Variants in FUT8 observed in about 807,000 individuals in gnomAD.
FUT8 encodes the protein alpha-(1,6)-fucosyltransferase.
Under a neutral mutation model 71.3 loss-of-function variants are expected in FUT8, and 29 were observed. The ratio of observed to expected loss-of-function variants is 0.41; its 90% CI spans 0.30 to 0.55. The LOEUF (loss-of-function observed/expected upper bound fraction) is 0.55. Ranked by LOEUF, FUT8 falls within the 20% of genes least tolerant of loss-of-function variation. FUT8 has a pLI of 0.34. For synonymous variants in FUT8, 254 were observed against 239.3 expected (o/e 1.06, Z -0.57); for missense variants, 544 against 702.1 (o/e 0.77, Z 2.55).
chr14:65,670,577 C>T (rs1302061152), intron 7 of FUT8, among the ~76,000 whole-genome samples: 2 of 152,034 alleles, frequency 1.3e-5, no homozygotes, highest in Non-Finnish European at 2.9e-5. Flanking sequence ...GGAAGTCCAA[C>T]ATTTTTCAAA....
chr14:65,411,357 TTAAAGAGC>T (rs1191135381), upstream of FUT8: 2 of 152,360 alleles, frequency 1.3e-5, no homozygotes, highest in Non-Finnish European at 2.9e-5. Context: ...TGCTTTTTGT[TTAAAGAGC>T]TGACAATAAA....
At chr14:65,585,833 C>G (rs1335048943) in intron 3 of FUT8, among the ~76,000 whole-genome samples, 1 of 152,178 alleles carries the variant, frequency 6.6e-6, no homozygotes, top group Non-Finnish European at 1.5e-5. Context: ...CAGAAGGAAA[C>G]TTGCTGCATG....
intron 3 of FUT8, among the ~76,000 whole-genome samples, chr14:65,602,332 C>T (rs1467300378): frequency 9.4e-6 from 1 of 106,176 alleles, no homozygotes; most frequent in Non-Finnish European, 1.8e-5. Context: ...GGCCGAGTAG[C>T]GTTCCATCTC....
chr14:65,601,006 G>T (rs1888263041), intron 3 of FUT8, among the ~76,000 whole-genome samples: 1 of 152,106 alleles, frequency 6.6e-6, no homozygotes, highest in African/African-American at 2.4e-5. Context: ...GGAGAATTGA[G>T]CCAGAAACCT....
At chr14:65,701,042 A>G (rs1330127782) in intron 7 of FUT8, among the ~76,000 whole-genome samples, 1 of 152,196 alleles carries the variant, frequency 6.6e-6, no homozygotes, top group Admixed American at 6.5e-5. Context: ...TAATCTTTTT[A>G]ATCTTTTATA....
At chr14:65,647,402 G>A (rs779949609) in intron 6 of FUT8, among the ~76,000 whole-genome samples, 1 of 152,156 alleles carries the variant, frequency 6.6e-6, no homozygotes, top group African/African-American at 2.4e-5. Flanking sequence ...TCAATATGCA[G>A]GAGAGTAAAT....
At position 65,561,751 on chromosome 14, in the gene FUT8, T is replaced by C. The variant is rs1885924989; in HGVS notation, c.188T>C (p.Met63Thr). ...CAACAGAATGAAGACTTGAGGCGAA[T>C]GGCCGAATCTCTCCGGTAGGTCCTA... ...LKQQNEDLRR[M>T]AESLRIPEGP... The change falls in exon 3 of 11, where the codon ATG (methionine) becomes ACG (threonine). Residue 63 changes from methionine (M) to threonine (T), a missense_variant. By Grantham distance (81) the Met-to-Thr change is moderately conservative. Transcript: ENST00000673929. 2 of 1,612,810 alleles carry C rather than the reference T, an allele frequency of 1.2e-6. No individual in the cohort carries two copies. The highest frequency in any genetic ancestry group is 8.5e-7 in the Non-Finnish European group (1 of 1,179,172).
rs1435259701 is a variant in FUT8, at chr14:65,642,938, T to C, written c.597+13332T>C. Among the ~76,000 whole-genome samples, 7 of 152,318 alleles carry C rather than the reference T, an allele frequency of 4.6e-5. No homozygotes were observed. In the East Asian group the frequency reaches 1.2e-3, roughly 25 times the overall value. On this transcript the variant is annotated intron_variant, in intron 6 of 10. Coordinates refer to ENST00000673929, the MANE Select transcript of FUT8 (RefSeq NM_001371533.1). ...TACATAAAGTATCATGTCATCTACA[T>C]ATAGATACACTTACTTCTTCATTTC...
chr14:65,505,757 T>G (rs1006480477), intron 2 of FUT8, among the ~76,000 whole-genome samples: 2 of 150,466 alleles, frequency 1.3e-5, no homozygotes, highest in Admixed American at 6.6e-5. Context: ...TCATTTGACT[T>G]TTTTTTGCTA....
At chr14:65,616,120 T>G in intron 4 of FUT8, 27 bp downstream of exon 4, 1 of 1,604,824 alleles carries the variant, frequency 6.2e-7, no homozygotes, top group Non-Finnish European at 8.5e-7. Context: ...TGTTTTCCCC[T>G]CCTCAGTATA....
At position 65,733,393 on chromosome 14, in the gene FUT8, T is replaced by C; in HGVS notation, c.1410+12T>C. ...CTTTTTCATCCCAGGTAAGTGTCAG[T>C]AGGGCATTTTAAAATAACCAATACT... On this transcript the variant is annotated intron_variant, in intron 10 of 10. Transcript: ENST00000673929. 1.3e-6 allele frequency: 2 copies of C among 1,554,232 alleles called. No homozygotes were observed. Among genetic ancestry groups the C allele is most frequent in the South Asian group, 1.2e-5 (1 of 81,426 alleles).
At chr14:65,451,321 A>G (rs1013629646) in intron 1 of FUT8, among the ~76,000 whole-genome samples, 1 of 152,252 alleles carries the variant, frequency 6.6e-6, no homozygotes, top group African/African-American at 2.4e-5. Context: ...GGGAGTGCGC[A>G]TATGAGTGGG....
intron 5 of FUT8, among the ~76,000 whole-genome samples, chr14:65,619,334 G>T (rs775806948): frequency 2.6e-5 from 4 of 152,256 alleles, no homozygotes; most frequent in African/African-American, 9.6e-5. Flanking sequence ...AGCTGTGGGG[G>T]TAAGACTCCT....
the FUT8 span, among the ~76,000 whole-genome samples, chr14:65,402,056 T>C: frequency 6.6e-6 from 1 of 152,064 alleles, no homozygotes; most frequent in Non-Finnish European, 1.5e-5. Flanking sequence ...TCTCAGTTCT[T>C]GTGTTTTTAA....
chr14:65,467,927 C>T lies in FUT8; in HGVS notation c.-228+12209C>T, dbSNP rs2066070461. ...GCTTCAGTAGAACCCGGGTACCTTT[C>T]TCTTTGGCTTCTTTCTTTTTCCGAT... On this transcript the variant is annotated intron_variant, in intron 2 of 10. Transcript: ENST00000673929. This position sits in a 1 kb window ranked among gnomAD's most constrained non-coding sequence, Gnocchi z 4.1. 3 of 746,324 alleles carry T rather than the reference C, an allele frequency of 4.0e-6. No individual in the cohort carries two copies. The highest frequency in any genetic ancestry group is 1.7e-5 in the Admixed American group (1 of 57,198). 46.2% of individuals were successfully genotyped at this position (746,324 alleles called of 1,614,324 possible). A position where few individuals can be genotyped will look rare whatever the true frequency, so the allele number is the denominator to read the frequency against.
In FUT8 at chr14:65,669,171, TA is replaced by T. The variant is rs376073861; in HGVS notation, c.598-60del. The T allele has an allele frequency of 0.1, 77,548 of 778,950 alleles. 1 individual carries two copies. Among genetic ancestry groups the T allele is most frequent in the South Asian group, 0.14 (5,577 of 39,660 alleles). The allele number at this position is 778,950 out of a possible 1,614,324, so 48.3% of individuals were successfully genotyped here. A position where few individuals can be genotyped will look rare whatever the true frequency, so the allele number is the denominator to read the frequency against. ...ATGTGTACCCCTGAAGATGAAAGATTAAAAAAAAAAAAGAGCAGTTGACCTC... is the reference window on the plus strand; with the variant it reads ...ATGTGTACCCCTGAAGATGAAAGATTAAAAAAAAAAAGAGCAGTTGACCTC... On this transcript the variant is annotated intron_variant, in intron 6 of 10. Coordinates refer to ENST00000673929, the MANE Select transcript of FUT8 (RefSeq NM_001371533.1). The surrounding 1 kb of genome is among the most constrained non-coding windows in gnomAD (Gnocchi z 4.5).
intron 7 of FUT8, among the ~76,000 whole-genome samples, chr14:65,699,564 G>C (rs1170560269): frequency 6.6e-6 from 1 of 152,164 alleles, no homozygotes; most frequent in East Asian, 1.9e-4. Context: ...TGGGCTGTGA[G>C]CAAGAGATAA....
At chr14:65,497,500 AATTT>A (rs2066577671) in intron 2 of FUT8, among the ~76,000 whole-genome samples, 2 of 151,960 alleles carry the variant, frequency 1.3e-5, no homozygotes, top group African/African-American at 4.8e-5. Context: ...TCATCTTTTT[AATTT>A]ATTCTTCCCG....
intron 8 of FUT8, among the ~76,000 whole-genome samples, chr14:65,722,580 G>C (rs1234436733): frequency 2.0e-5 from 3 of 152,210 alleles, no homozygotes; most frequent in Admixed American, 2.0e-4. Flanking sequence ...TGTGAAGTCA[G>C]AATATCAAAT....
Sources: gnomAD v4.1 joint callset for allele counts (sites outside exome capture counted in the v4.1 genomes callset) on GRCh38, gnomAD v4.1.1 for gene constraint, Gnocchi (gnomAD v3.1) non-coding constraint, MANE v1.5 for transcripts, NCBI Gene and HGNC (gene_info 2026-07-23, HGNC 2026-07-21) for gene names.